The following PALM2AKAP2 variants were observed in gnomAD, a reference collection of about 807,000 sequenced individuals.
The protein encoded by PALM2AKAP2 is PALM2 and AKAP2 fusion, also known as PALM2-AKAP2 fusion protein.
Under a neutral mutation model 71.5 loss-of-function variants are expected in PALM2AKAP2, and 37 were observed. That is an observed-to-expected ratio of 0.52 (90% CI 0.40 to 0.68). PALM2AKAP2 has a LOEUF of 0.68. Among genes scored for constraint, PALM2AKAP2 ranks in the 30% least tolerant of loss-of-function variants. The pLI is 0.00. For missense variants in PALM2AKAP2, 1,224 were observed against 1,191.8 expected (o/e 1.03, Z -0.40); for synonymous variants, 468 against 478.8 (o/e 0.98, Z 0.29).
At chr9:109,804,705 A>T (rs1355410335) in intron 1 of PALM2AKAP2, among the ~76,000 whole-genome samples, 1 of 152,174 alleles carries the variant, frequency 6.6e-6, no homozygotes, top group Non-Finnish European at 1.5e-5. Context: ...CCAAAATCAT[A>T]ATTGGTTGAT....
intron 1 of PALM2AKAP2, among the ~76,000 whole-genome samples, chr9:109,787,408 A>G (rs1826999789): frequency 6.6e-6 from 1 of 152,268 alleles, no homozygotes; most frequent in Admixed American, 6.5e-5. Flanking sequence ...TGTTAGCCAC[A>G]GCATTTTTGT....
At chr9:109,728,997 A>T (rs1828515085) in intron 1 of PALM2AKAP2, among the ~76,000 whole-genome samples, 1 of 152,230 alleles carries the variant, frequency 6.6e-6, no homozygotes, top group African/African-American at 2.4e-5. Flanking sequence ...CAACATGTTA[A>T]ACTGAGATAG....
At chr9:109,931,730 C>T (rs757106416) in intron 5 of PALM2AKAP2, among the ~76,000 whole-genome samples, 197 bp from the exon 6 acceptor site, 1 of 152,226 alleles carries the variant, frequency 6.6e-6, no homozygotes, top group Non-Finnish European at 1.5e-5. Flanking sequence ...GCTCTCTGGC[C>T]AGGATCCCTC....
chr9:109,742,324 C>T (rs1374657668), intron 1 of PALM2AKAP2, among the ~76,000 whole-genome samples: 1 of 150,668 alleles, frequency 6.6e-6, no homozygotes, highest in African/African-American at 2.5e-5. Flanking sequence ...CTTGAGTCGA[C>T]TGAAGAGATC....
chr9:110,035,391 A>T (rs1256330348), intron 7 of PALM2AKAP2, among the ~76,000 whole-genome samples: 10 of 145,572 alleles, frequency 6.9e-5, no homozygotes, highest in African/African-American at 2.5e-4. Context: ...TTATATGTAT[A>T]ATACATATAC....
Position 109,754,143 on chromosome 9 carries a change from G to A in PALM2AKAP2, c.6-26345G>A, listed in dbSNP as rs550306955. On this transcript the variant is annotated intron_variant, in intron 1 of 6. Coordinates refer to the PALM2AKAP2 transcript ENST00000374531. ...TGGAGTGCCAAATACAAAACATGTG[G>A]CATGAAAGATAAAACAGAAAAAGTA... Among the ~76,000 whole-genome samples the A allele has an allele frequency of 1.3e-5, 2 of 152,184 alleles. 1 individual carries two copies. The highest frequency in any genetic ancestry group is 4.2e-4 in the South Asian group (2 of 4,816).
chr9:109,852,810 T>A (rs1829058580), intron 1 of PALM2AKAP2, among the ~76,000 whole-genome samples: 2 of 151,934 alleles, frequency 1.3e-5, no homozygotes, highest in South Asian at 4.2e-4. Context: ...TTTCATATGT[T>A]TGTTGGCTGC....
intron 1 of PALM2AKAP2, among the ~76,000 whole-genome samples, chr9:109,702,001 C>T (rs1828068454): frequency 1.3e-5 from 2 of 152,248 alleles, no homozygotes; most frequent in Non-Finnish European, 2.9e-5. Flanking sequence ...TGCTCATCAT[C>T]ACTGGCCATC....
At chr9:109,829,941 AC>A (rs1828254231) in intron 1 of PALM2AKAP2, among the ~76,000 whole-genome samples, 1 of 152,140 alleles carries the variant, frequency 6.6e-6, no homozygotes, top group Non-Finnish European at 1.5e-5. Context: ...ATAATTACCT[AC>A]TTGAATAGTG....
intron 1 of PALM2AKAP2, among the ~76,000 whole-genome samples, chr9:109,678,907 C>T (rs1174611416): frequency 6.6e-6 from 1 of 152,094 alleles, no homozygotes; most frequent in Admixed American, 6.6e-5. Context: ...TGAGATACAA[C>T]GTGCAAAGGC....
At chr9:109,650,378 T>C (rs1827209212) in intron 1 of PALM2AKAP2, among the ~76,000 whole-genome samples, 1 of 145,994 alleles carries the variant, frequency 6.8e-6, no homozygotes, top group Admixed American at 6.8e-5. Context: ...TTGAGAATTG[T>C]AGCTCTTTGC....
chr9:109,844,931 A>ATGCG (rs1554720010), intron 1 of PALM2AKAP2, among the ~76,000 whole-genome samples: 8 of 149,308 alleles, frequency 5.4e-5, no homozygotes, highest in Non-Finnish European at 1.0e-4. Flanking sequence ...CCAGAAAATG[A>ATGCG]TGTGTGTGTG....
At chr9:109,662,417 G>A (rs1042706808) in intron 1 of PALM2AKAP2, among the ~76,000 whole-genome samples, 1 of 152,164 alleles carries the variant, frequency 6.6e-6, no homozygotes, top group African/African-American at 2.4e-5. Context: ...TGCATCTATT[G>A]AGATAATCAT....
At chr9:109,980,248 G>GT (rs903782011) in intron 6 of PALM2AKAP2, among the ~76,000 whole-genome samples, 2 of 152,148 alleles carry the variant, frequency 1.3e-5, no homozygotes, top group African/African-American at 4.8e-5. Context: ...CCTGGATAAA[G>GT]TCATCTAATC....
At chr9:109,915,028 C>A (rs1309550429) in intron 3 of PALM2AKAP2, among the ~76,000 whole-genome samples, 1 of 152,172 alleles carries the variant, frequency 6.6e-6, no homozygotes, top group Non-Finnish European at 1.5e-5. Context: ...TGCTGGACCT[C>A]TTTGTATCTG....
At chr9:109,787,969 G>A (rs1200721387) in intron 1 of PALM2AKAP2, among the ~76,000 whole-genome samples, 1 of 152,128 alleles carries the variant, frequency 6.6e-6, no homozygotes, top group Admixed American at 6.5e-5. Context: ...TTGTAATATC[G>A]GGTTGCATTT....
intron 3 of PALM2AKAP2, among the ~76,000 whole-genome samples, chr9:110,161,335 A>T (rs575202208): frequency 6.6e-6 from 1 of 152,304 alleles, no homozygotes; most frequent in Admixed American, 6.5e-5. Flanking sequence ...TACGCTCATT[A>T]CCATAATTCT....
intron 2 of PALM2AKAP2, among the ~76,000 whole-genome samples, chr9:109,877,731 G>A (rs966117692): frequency 6.6e-6 from 1 of 152,198 alleles, no homozygotes; most frequent in African/African-American, 2.4e-5. Context: ...CTGAGGCTCA[G>A]TGAGGCGAAG....
rs368538459 is a variant in PALM2AKAP2 at position 109,706,409 on chromosome 9, G to C, written c.5+65543G>C. Among the ~76,000 whole-genome samples the C allele has an allele frequency of 3.5e-4, 54 of 152,180 alleles. No homozygotes were observed. The South Asian group carries it at 0.011, about 32-fold the overall frequency. On this transcript the variant is annotated intron_variant, in intron 1 of 6. Transcript: ENST00000374531. Reference sequence around the variant, plus strand: ...TTATGAAAGATACAAATAATAACAAGTATTGGTAAGGATGTAGAGAAACCC... The same window carrying C: ...TTATGAAAGATACAAATAATAACAACTATTGGTAAGGATGTAGAGAAACCC...
Sources: gnomAD v4.1 joint callset for allele counts (sites outside exome capture counted in the v4.1 genomes callset) on GRCh38, gnomAD v4.1.1 for gene constraint, MANE v1.5 for transcripts, NCBI Gene and HGNC (gene_info 2026-07-23, HGNC 2026-07-21) for gene names.